Variants in KLF12 observed in about 807,000 individuals in gnomAD.
KLF12 encodes the protein KLF transcription factor 12, also known as Krueppel-like factor 12.
Under a neutral mutation model 37.8 loss-of-function variants are expected in KLF12, and 9 were observed. The ratio of observed to expected loss-of-function variants is 0.24; its 90% CI spans 0.14 to 0.42. The LOEUF is 0.42. Among genes scored for constraint, KLF12 ranks in the 10% least tolerant of loss-of-function variants. The pLI is 1.00. For missense variants in KLF12, 411 were observed against 516.0 expected (o/e 0.80, Z 1.97); for synonymous variants, 208 against 202.1 (o/e 1.03, Z -0.25).
rs113950168 is a variant in KLF12 at position 74,072,937 on chromosome 13, C to T, written c.-32+60802G>A. 4.7e-3 allele frequency among the ~76,000 whole-genome samples: 714 copies of T among 152,298 alleles called. 4 individuals are homozygous for T. The highest frequency in any genetic ancestry group is 0.016 in the African/African-American group (679 of 41,572). On this transcript the variant is annotated intron_variant, in intron 1 of 7. Coordinates refer to ENST00000377669, the MANE Select transcript of KLF12 (RefSeq NM_007249.5). ...TGCACTATAGTTCCCATGATCCCCA[C>T]ATGTCATGGGAGGGACCCGGTGGGA...
chr13:73,802,779 G>A (rs191085871), intron 5 of KLF12, among the ~76,000 whole-genome samples: 6 of 152,220 alleles, frequency 3.9e-5, no homozygotes, highest in Non-Finnish European at 7.4e-5. Context: ...CTGCATCCAC[G>A]TTGCTGCAGC....
the KLF12 span, among the ~76,000 whole-genome samples, chr13:74,292,366 G>A: frequency 4.9e-4 from 74 of 152,190 alleles, no homozygotes; most frequent in East Asian, 1.4e-3. Flanking sequence ...GGTATGGGGT[G>A]GGAAGATTGT....
intron 3 of KLF12, among the ~76,000 whole-genome samples, chr13:73,855,426 TTG>T (rs369471421): frequency 5.9e-5 from 9 of 151,902 alleles, no homozygotes; most frequent in Non-Finnish European, 1.2e-4. Context: ...GATTTCGTTT[TTG>T]TGTGTGTGTG....
chr13:73,735,126 A>AT (rs1219717290), intron 6 of KLF12, among the ~76,000 whole-genome samples: 39 of 76,328 alleles, frequency 5.1e-4, no homozygotes, highest in African/African-American at 1.7e-3. Flanking sequence ...CACCTCTACT[A>AT]TTAAAAAAAA....
At chr13:73,845,804 C>T (rs760711048) in intron 4 of KLF12, 23 bp downstream of exon 4, 2 of 1,595,050 alleles carry the variant, frequency 1.3e-6, no homozygotes, top group African/African-American at 1.3e-5. Flanking sequence ...TGAAATAAAT[C>T]AAGGCTTGTT....
intron 4 of KLF12, among the ~76,000 whole-genome samples, chr13:73,828,378 T>C (rs1167624807): frequency 1.3e-5 from 2 of 152,256 alleles, no homozygotes; most frequent in East Asian, 3.8e-4. Flanking sequence ...AGTTGCGTTC[T>C]ATCTATTCTG....
chr13:73,737,024 T>C (rs1442176005), intron 6 of KLF12, among the ~76,000 whole-genome samples: 2 of 152,182 alleles, frequency 1.3e-5, no homozygotes, highest in Non-Finnish European at 2.9e-5. Flanking sequence ...AAAGAGTACG[T>C]ACCAGTGGAT....
chr13:74,056,591 A>G (rs1873258491), intron 1 of KLF12, among the ~76,000 whole-genome samples: 1 of 152,244 alleles, frequency 6.6e-6, no homozygotes, highest in Non-Finnish European at 1.5e-5. Flanking sequence ...AGTATTTGCC[A>G]TGCTTATTCT....
intron 3 of KLF12, among the ~76,000 whole-genome samples, chr13:73,872,661 T>C (rs904351582): frequency 6.6e-6 from 1 of 152,194 alleles, no homozygotes; most frequent in Non-Finnish European, 1.5e-5. Context: ...TCTTGATGAG[T>C]GCAGAATCCA....
At chr13:73,721,556 T>C (rs1876258937) in intron 6 of KLF12, among the ~76,000 whole-genome samples, 1 of 152,170 alleles carries the variant, frequency 6.6e-6, no homozygotes, top group African/African-American at 2.4e-5. Context: ...TCTCCTTTCA[T>C]CTTGTTTTTA....
At chr13:73,833,971 G>T (rs1378747037) in intron 4 of KLF12, among the ~76,000 whole-genome samples, 2 of 152,144 alleles carry the variant, frequency 1.3e-5, no homozygotes, top group Non-Finnish European at 2.9e-5. Context: ...CACTGTTCCT[G>T]CAGTGTTTCC....
intron 2 of KLF12, among the ~76,000 whole-genome samples, chr13:73,978,486 G>T (rs1243469594): frequency 6.6e-6 from 1 of 152,146 alleles, no homozygotes; most frequent in Non-Finnish European, 1.5e-5. Flanking sequence ...GAGCAACAAG[G>T]ACTCTCACTC....
intron 1 of KLF12, among the ~76,000 whole-genome samples, chr13:74,089,906 C>T (rs1436908576): frequency 6.6e-6 from 1 of 151,100 alleles, no homozygotes; most frequent in Non-Finnish European, 1.5e-5. Flanking sequence ...TGTCTGCTCT[C>T]ACCACTCCAA....
At chr13:74,109,039 T>C (rs980138097) in intron 1 of KLF12, among the ~76,000 whole-genome samples, 5 of 152,134 alleles carry the variant, frequency 3.3e-5, no homozygotes, top group Admixed American at 1.3e-4. Context: ...ATTTTCTAAC[T>C]AGAAATTAAT....
chr13:74,277,295 G>A, the KLF12 span, among the ~76,000 whole-genome samples: 111 of 152,246 alleles, frequency 7.3e-4, no homozygotes, highest in Admixed American at 2.0e-3. Context: ...GTCTAAATAG[G>A]TACCTGGTGG....
chr13:74,179,213 A>C, the KLF12 span, among the ~76,000 whole-genome samples: 2 of 152,218 alleles, frequency 1.3e-5, no homozygotes. Context: ...GAAGCAAGAA[A>C]GCTTCCTGTG....
At chr13:73,841,458 T>G (rs924125696) in intron 4 of KLF12, among the ~76,000 whole-genome samples, 1 of 152,164 alleles carries the variant, frequency 6.6e-6, no homozygotes, top group African/African-American at 2.4e-5. Context: ...AAATTTGTGT[T>G]GGGCCTTATT....
chr13:74,027,684 C>A (rs1236159561), intron 1 of KLF12, among the ~76,000 whole-genome samples: 2 of 152,090 alleles, frequency 1.3e-5, no homozygotes, highest in African/African-American at 2.4e-5. Context: ...AAGTAGATGG[C>A]ACATTAAGAA....
the KLF12 span, among the ~76,000 whole-genome samples, chr13:74,187,639 C>T: frequency 5.8e-4 from 88 of 152,230 alleles, no homozygotes; most frequent in Admixed American, 3.8e-3. Flanking sequence ...ACTGAATGAA[C>T]GTATGACTTA....
Sources: gnomAD v4.1 joint callset for allele counts (sites outside exome capture counted in the v4.1 genomes callset) on GRCh38, gnomAD v4.1.1 for gene constraint, MANE v1.5 for transcripts, NCBI Gene and HGNC (gene_info 2026-07-23, HGNC 2026-07-21) for gene names.